PLA2G4E: variants seen among roughly 807,000 people sequenced by gnomAD.
PLA2G4E encodes the protein phospholipase A2 group IVE, also known as cytosolic phospholipase A2 epsilon.
Under a neutral mutation model 109.1 loss-of-function variants are expected in PLA2G4E, and 84 were observed. The ratio of observed to expected loss-of-function variants is 0.77; its 90% CI spans 0.65 to 0.92. The LOEUF (loss-of-function observed/expected upper bound fraction) is 0.92, where lower values mean the gene tolerates loss of function less well. Among genes scored for constraint, PLA2G4E ranks in the 40% least tolerant of loss-of-function variants. The pLI is 0.00. For synonymous variants in PLA2G4E, 469 were observed against 436.1 expected (o/e 1.08, Z -0.94); for missense variants, 1,057 against 1,076.6 (o/e 0.98, Z 0.25).
intron 13 of PLA2G4E, among the ~76,000 whole-genome samples, chr15:41,992,274 G>A (rs930962030): frequency 1.3e-5 from 2 of 152,164 alleles, no homozygotes; most frequent in African/African-American, 4.8e-5. Context: ...GCCCGTTCTG[G>A]GAGACGCGGG....
intron 1 of PLA2G4E, among the ~76,000 whole-genome samples, chr15:42,024,230 G>A (rs547271281): frequency 3.9e-5 from 6 of 152,334 alleles, no homozygotes; most frequent in East Asian, 3.9e-4. Flanking sequence ...GCCAGGGTGC[G>A]GGTGCCAAAG....
chr15:42,048,905 C>A (rs541425068), intron 1 of PLA2G4E, among the ~76,000 whole-genome samples: 8 of 152,364 alleles, frequency 5.3e-5, no homozygotes, highest in African/African-American at 1.9e-4. Context: ...GCTCCCAAAA[C>A]CTTTCAGCTG....
At chr15:42,039,003 G>A (rs558317752) in intron 1 of PLA2G4E, among the ~76,000 whole-genome samples, 1 of 152,026 alleles carries the variant, frequency 6.6e-6, no homozygotes, top group Non-Finnish European at 1.5e-5. Flanking sequence ...GTTTTCATAG[G>A]CATTTTCCTT....
intron 1 of PLA2G4E, among the ~76,000 whole-genome samples, chr15:42,028,689 G>A (rs1889065224): frequency 6.6e-6 from 1 of 152,162 alleles, no homozygotes; most frequent in South Asian, 2.1e-4. Context: ...TTATAGGCAT[G>A]AGCCACCGTG....
intron 1 of PLA2G4E, among the ~76,000 whole-genome samples, chr15:42,048,318 G>C (rs1335129543): frequency 1.3e-5 from 2 of 152,170 alleles, no homozygotes; most frequent in African/African-American, 4.8e-5. Flanking sequence ...GCCTAATGAT[G>C]CATTTCTCAG....
In PLA2G4E at chr15:41,985,875, G is replaced by C. The variant is rs559698345; in HGVS notation, c.2166C>G (p.Ile722Met). 16 of 1,611,188 alleles carry C rather than the reference G, an allele frequency of 9.9e-6. No individual in the cohort carries two copies. In the African/African-American group the frequency reaches 1.9e-4, roughly 19 times the overall value. Residue 722 changes from isoleucine to methionine, a missense_variant, in exon 18 of 20, where the codon ATC (isoleucine) becomes ATG (methionine). Transcript: ENST00000399518. ...ACCCAGCACAGTAGTTGAGGTGGAT[G>C]ATGAGGTCGGCTTTTCGCTCTGGCC... is the stretch of plus-strand genomic sequence containing the variant.
chr15:42,033,988 G>A (rs913665033), intron 1 of PLA2G4E, among the ~76,000 whole-genome samples: 9 of 152,138 alleles, frequency 5.9e-5, no homozygotes, highest in African/African-American at 9.7e-5. Flanking sequence ...TCCTTTTTCC[G>A]GTGATGTAGA....
At position 42,032,646 on chromosome 15, in the gene PLA2G4E, C is replaced by T. The variant is rs542925475; in HGVS notation, c.183+17875G>A. ...GGCAGCCGTGGTGTGGACCATCCAA[C>T]CAAGTGGCCTTAGAGGCCTTTCTCA... On this transcript the variant is annotated intron_variant, in intron 1 of 19. Transcript: ENST00000399518. Among the ~76,000 whole-genome samples the T allele has an allele frequency of 3.4e-4, 52 of 152,340 alleles. 1 individual carries two copies. The highest frequency in any genetic ancestry group is 3.4e-3 in the Middle Eastern group (1 of 294).
intron 1 of PLA2G4E, among the ~76,000 whole-genome samples, chr15:42,035,600 C>A (rs1889199672): frequency 6.6e-6 from 1 of 152,160 alleles, no homozygotes; most frequent in African/African-American, 2.4e-5. Flanking sequence ...ATGTCATATG[C>A]AAATCAGGAT....
At chr15:42,047,854 A>T (rs2122674) in intron 1 of PLA2G4E, among the ~76,000 whole-genome samples, 67,321 of 152,096 alleles carry the variant, frequency 0.44, 16,341 homozygotes, top group Admixed American at 0.57. Flanking sequence ...ACATTTCATC[A>T]CAAAAATCCT....
At position 42,013,837 on chromosome 15, in the gene PLA2G4E, G is replaced by A. The variant is rs8039519; in HGVS notation, c.184-80C>T. 8.4e-4 allele frequency: 938 copies of A among 1,111,724 alleles called. 11 individuals carry two copies. In the African/African-American group the frequency reaches 0.014, roughly 16 times the overall value. 68.9% of individuals were successfully genotyped at this position (1,111,724 alleles called of 1,614,324 possible). On this transcript the variant is annotated intron_variant, in intron 1 of 19. Coordinates refer to ENST00000399518, the Ensembl canonical transcript of PLA2G4E. The stretch of plus-strand genomic sequence containing the variant: ...GCCCCGGGGGAGACTTTCCCGCTAT[G>A]CCTCCTCAGGCCGGCCCAGTTGCAT...
intron 15 of PLA2G4E, among the ~76,000 whole-genome samples, chr15:41,988,385 C>T (rs371347191): frequency 1.3e-5 from 2 of 152,068 alleles, no homozygotes; most frequent in Non-Finnish European, 2.9e-5. Flanking sequence ...TGCCGGGAGA[C>T]GTAAAGGTGT....
chr15:42,004,886 A>T, intron 5 of PLA2G4E, 52 bp downstream of exon 5: 1 of 1,599,942 alleles, frequency 6.3e-7, no homozygotes, highest in Non-Finnish European at 8.5e-7. Context: ...CGTTCCCAGA[A>T]GCTACTTGAT....
intron 10 of PLA2G4E, among the ~76,000 whole-genome samples, chr15:41,999,316 A>G (rs2141040349): frequency 6.6e-6 from 1 of 152,308 alleles, no homozygotes; most frequent in South Asian, 2.1e-4. Context: ...CAACTTAACA[A>G]TAAAAAAACA....
intron 1 of PLA2G4E, among the ~76,000 whole-genome samples, chr15:42,042,116 T>A (rs1421140342): frequency 6.6e-6 from 1 of 152,178 alleles, no homozygotes; most frequent in Non-Finnish European, 1.5e-5. Flanking sequence ...GCATCAGAAA[T>A]TGGAAACAAC....
intron 12 of PLA2G4E, among the ~76,000 whole-genome samples, chr15:41,993,468 A>G (rs2068285236): frequency 6.6e-6 from 1 of 152,214 alleles, no homozygotes; most frequent in Non-Finnish European, 1.5e-5. Context: ...GACTGATTAC[A>G]GGTCCTGGCT....
chr15:42,013,680 C>T lies in PLA2G4E; in HGVS notation c.256+5G>A. 1 of 1,549,536 alleles carries T rather than the reference C, an allele frequency of 6.5e-7. No individual in the cohort carries two copies. The highest frequency in any genetic ancestry group is 2.0e-5 in the Admixed American group (1 of 50,990). The stretch of plus-strand genomic sequence containing the variant: ...GAGAAGGAGAGAAGTGAGGTGGATA[C>T]TCACGCATATCAGCCTGCCGGACAT... On this transcript the variant is annotated splice_donor_5th_base_variant and intron_variant, in intron 2 of 19. Coordinates refer to ENST00000399518, the Ensembl canonical transcript of PLA2G4E.
At chr15:42,018,794 G>A (rs1025711340) in intron 1 of PLA2G4E, among the ~76,000 whole-genome samples, 1 of 152,110 alleles carries the variant, frequency 6.6e-6, no homozygotes, top group Non-Finnish European at 1.5e-5. Context: ...CTGGGGACTG[G>A]GGGACCTTGC....
intron 1 of PLA2G4E, among the ~76,000 whole-genome samples, chr15:42,041,230 T>C (rs571224457): frequency 6.6e-6 from 1 of 152,394 alleles, no homozygotes; most frequent in South Asian, 2.1e-4. Flanking sequence ...TGATTTGGTA[T>C]TATTCCCATA....
Sources: allele counts gnomAD v4.1 joint callset (sites outside exome capture counted in the v4.1 genomes callset), GRCh38; gene constraint gnomAD v4.1.1; transcripts MANE v1.5; gene names NCBI Gene and HGNC (gene_info 2026-07-23, HGNC 2026-07-21).